Variants in LRCH1 observed in about 807,000 individuals in gnomAD.
The protein encoded by LRCH1 is leucine-rich repeat and calponin homology domain-containing protein 1.
A neutral mutation model predicts 94.9 loss-of-function variants in LRCH1; 23 were observed. The observed-to-expected ratio is 0.24, with a 90% confidence interval of 0.17 to 0.34. LRCH1 has a LOEUF of 0.34. Ranked by LOEUF, LRCH1 falls within the 10% of genes least tolerant of loss-of-function variation. The probability of loss-of-function intolerance (pLI) is 1.00; values close to 1 mark genes in which losing one functional copy is unlikely to be tolerated. For missense variants in LRCH1, 790 were observed against 945.9 expected, an observed-to-expected ratio of 0.84 and a Z score of 2.16; for synonymous variants, 364 against 354.9, an observed-to-expected ratio of 1.03 and a Z score of -0.29.
At chr13:46,699,213 T>C (rs1332647370) in intron 9 of LRCH1, 123 bp from the exon 10 acceptor site, 1 of 719,168 alleles carries the variant, frequency 1.4e-6, no homozygotes, top group Admixed American at 2.1e-5. Context: ...GATGGCTGTT[T>C]GGCTTGTTTC....
chr13:46,569,139 A>G (rs1336418614), intron 1 of LRCH1, among the ~76,000 whole-genome samples: 1 of 152,146 alleles, frequency 6.6e-6, no homozygotes, highest in African/African-American at 2.4e-5. Context: ...CTAATTCTGT[A>G]TTTAACAAGC....
At chr13:46,582,669 T>TTTTTTTTTTTTTTC (rs2050385556) in intron 1 of LRCH1, among the ~76,000 whole-genome samples, 1 of 124,632 alleles carries the variant, frequency 8.0e-6, no homozygotes, top group African/African-American at 3.0e-5. Flanking sequence ...TTTTTTTTTT[T>TTTTTTTTTTTTTTC]TTTGTATTTT....
chr13:46,637,474 C>G (rs2051105830), intron 1 of LRCH1, among the ~76,000 whole-genome samples: 1 of 152,194 alleles, frequency 6.6e-6, no homozygotes. Context: ...TCTTGATTTT[C>G]TCACCCTTGT....
chr13:46,690,549 T>C (rs1870841119), intron 7 of LRCH1, among the ~76,000 whole-genome samples: 1 of 152,250 alleles, frequency 6.6e-6, no homozygotes, highest in African/African-American at 2.4e-5. Context: ...ATAAGTAGGA[T>C]GCTAATATCA....
chr13:46,601,865 T>C (rs1384122717), intron 1 of LRCH1, among the ~76,000 whole-genome samples: 1 of 152,214 alleles, frequency 6.6e-6, no homozygotes, highest in African/African-American at 2.4e-5. Flanking sequence ...TAACTCTTGA[T>C]ATCCAGTGAC....
chr13:46,600,839 AAC>A (rs1407395047), intron 1 of LRCH1, among the ~76,000 whole-genome samples: 1 of 152,258 alleles, frequency 6.6e-6, no homozygotes, highest in African/African-American at 2.4e-5. Context: ...GCTCTTTAGC[AAC>A]AGTCAGCTTT....
At chr13:46,727,370 A>G (rs192581311) in intron 17 of LRCH1, among the ~76,000 whole-genome samples, 17 of 152,348 alleles carry the variant, frequency 1.1e-4, no homozygotes, top group Admixed American at 9.8e-4. Flanking sequence ...AAATCAGTGG[A>G]CACAGAGCCT....
At chr13:46,721,526 T>A (rs1872582371) in intron 16 of LRCH1, among the ~76,000 whole-genome samples, 1 of 152,232 alleles carries the variant, frequency 6.6e-6, no homozygotes, top group South Asian at 2.1e-4. Context: ...TGTCAGAGTT[T>A]TCCTCAGTTC....
intron 1 of LRCH1, among the ~76,000 whole-genome samples, chr13:46,605,533 T>TCCTTCC (rs2050678402): frequency 6.6e-6 from 1 of 152,150 alleles, no homozygotes; most frequent in African/African-American, 2.4e-5. Flanking sequence ...CTCCTCCTCC[T>TCCTTCC]CCTTCCTATC....
At chr13:46,644,513 G>A (rs928952865) in intron 1 of LRCH1, among the ~76,000 whole-genome samples, 1 of 152,194 alleles carries the variant, frequency 6.6e-6, no homozygotes, top group Non-Finnish European at 1.5e-5. Flanking sequence ...CAAAAAAAAG[G>A]AAAGCTTTTG....
intron 14 of LRCH1, 21 bp downstream of exon 14, chr13:46,711,865 T>C (rs767781268): frequency 6.3e-7 from 1 of 1,596,838 alleles, no homozygotes; most frequent in Admixed American, 1.7e-5. Flanking sequence ...TGAAGATTAA[T>C]GGAAGGTGAG....
chr13:46,696,194 G>A (rs1260516056), intron 9 of LRCH1, among the ~76,000 whole-genome samples: 4 of 117,836 alleles, frequency 3.4e-5, no homozygotes, highest in Non-Finnish European at 6.7e-5. Context: ...ATGCATGTGT[G>A]TACACACACA....
intron 18 of LRCH1, 54 bp downstream of exon 18, chr13:46,729,038 CTGT>C: frequency 6.5e-7 from 1 of 1,541,480 alleles, no homozygotes; most frequent in East Asian, 2.3e-5. Context: ...TTAGGGGGCA[CTGT>C]TGTTGGTTTA....
intron 1 of LRCH1, among the ~76,000 whole-genome samples, chr13:46,623,717 T>C (rs1387981773): frequency 2.6e-5 from 4 of 151,114 alleles, no homozygotes; most frequent in Non-Finnish European, 4.4e-5. Context: ...TCTTTTTCTT[T>C]TTTTTTTATT....
At chr13:46,605,895 G>A (rs926810886) in intron 1 of LRCH1, among the ~76,000 whole-genome samples, 4 of 152,204 alleles carry the variant, frequency 2.6e-5, no homozygotes, top group Admixed American at 2.0e-4. Flanking sequence ...AAGATAAGAT[G>A]TCAGAGCTGG....
chr13:46,694,591 A>G (rs1340680371), intron 8 of LRCH1, among the ~76,000 whole-genome samples: 2 of 152,218 alleles, frequency 1.3e-5, no homozygotes, highest in Non-Finnish European at 2.9e-5. Flanking sequence ...TGAGGGCAAA[A>G]AAGCCTCTTT....
chr13:46,604,740 G>GT (rs1459009952), intron 1 of LRCH1, among the ~76,000 whole-genome samples: 4 of 152,160 alleles, frequency 2.6e-5, no homozygotes, highest in African/African-American at 9.7e-5. Flanking sequence ...AACTAGGTGA[G>GT]CTTAGAGCAT....
In LRCH1 at chr13:46,633,865, G is replaced by A. The variant is rs370660065; in HGVS notation, c.308-16336G>A. Among the ~76,000 whole-genome samples, 3 of 146,594 alleles carry A rather than the reference G, an allele frequency of 2.0e-5. No homozygotes were observed. In the East Asian group the frequency reaches 6.0e-4, roughly 29 times the overall value. Reference sequence around the variant, plus strand: ...CTCTCCCACCATCACCTCCAAACCTGTTTCTTTTCCTGCATTTTTTTTTTT... The same window carrying A: ...CTCTCCCACCATCACCTCCAAACCTATTTCTTTTCCTGCATTTTTTTTTTT... On this transcript the variant is annotated intron_variant, in intron 1 of 19. Coordinates refer to ENST00000389797, the MANE Select transcript of LRCH1 (RefSeq NM_001164211.2).
At chr13:46,699,795 C>T (rs1192309665) in intron 10 of LRCH1, among the ~76,000 whole-genome samples, 2 of 152,128 alleles carry the variant, frequency 1.3e-5, no homozygotes, top group African/African-American at 2.4e-5. Context: ...CTGAGAACAC[C>T]GTAGACTTCT....
Sources: allele counts gnomAD v4.1 joint callset (sites outside exome capture counted in the v4.1 genomes callset), GRCh38; gene constraint gnomAD v4.1.1; transcripts MANE v1.5; gene names NCBI Gene and HGNC (gene_info 2026-07-23, HGNC 2026-07-21).